The following DAB1 variants were observed in gnomAD, a reference collection of about 807,000 sequenced individuals.
DAB1 encodes the protein disabled homolog 1.
A neutral mutation model predicts 64.6 loss-of-function variants in DAB1; 15 were observed. That is an observed-to-expected ratio of 0.23 (90% CI 0.16 to 0.36). DAB1 has a LOEUF of 0.36. Ranked by LOEUF, DAB1 falls within the 10% of genes least tolerant of loss-of-function variation. The pLI is 1.00. For missense variants in DAB1, 596 were observed against 706.7 expected, an observed-to-expected ratio of 0.84 and a Z score of 1.78; for synonymous variants, 235 against 251.9, an observed-to-expected ratio of 0.93 and a Z score of 0.64.
chr1:58,343,294 TG>T (rs1643961159), intron 4 of DAB1: 1 of 150,976 alleles, frequency 6.6e-6, no homozygotes, highest in Non-Finnish European at 1.5e-5. Flanking sequence ...GATAGATGGA[TG>T]GAGAAAAGGA....
chr1:58,393,120 CTTT>C (rs34546253), intron 3 of DAB1, among the ~76,000 whole-genome samples: 12,331 of 116,908 alleles, frequency 0.11, 410 homozygotes, highest in African/African-American at 0.14. Context: ...ACTTCCAAAT[CTTT>C]TTTTTTTTTT....
chr1:57,052,464 T>G (rs1403659606), intron 9 of DAB1, among the ~76,000 whole-genome samples: 1 of 152,206 alleles, frequency 6.6e-6, no homozygotes, highest in Admixed American at 6.5e-5. Flanking sequence ...GTCTGATGCT[T>G]GTTCAGTGAG....
At chr1:57,057,697 T>C (rs1459034339) in intron 9 of DAB1, among the ~76,000 whole-genome samples, 2 of 150,354 alleles carry the variant, frequency 1.3e-5, no homozygotes, top group Non-Finnish European at 2.9e-5. Context: ...AAGCTCTGCC[T>C]CCCGGGTTCA....
intron 5 of DAB1, among the ~76,000 whole-genome samples, chr1:58,092,648 G>A (rs1462605835): frequency 1.3e-5 from 2 of 152,138 alleles, no homozygotes; most frequent in African/African-American, 2.4e-5. Context: ...GAGAGTGGCC[G>A]TAACTAAAAT....
At chr1:57,482,194 T>C (rs1644029909) in intron 7 of DAB1, among the ~76,000 whole-genome samples, 1 of 152,106 alleles carries the variant, frequency 6.6e-6, no homozygotes, top group African/African-American at 2.4e-5. Context: ...GAAATCTAAG[T>C]TCGCATGAAA....
At chr1:57,597,827 A>G (rs1362411628) in intron 7 of DAB1, among the ~76,000 whole-genome samples, 4 of 152,262 alleles carry the variant, frequency 2.6e-5, no homozygotes, top group Non-Finnish European at 5.9e-5. Context: ...TTGTTCATTC[A>G]GCAAACTAAT....
intron 6 of DAB1, among the ~76,000 whole-genome samples, chr1:57,804,227 T>C (rs1651259615): frequency 6.6e-6 from 1 of 152,236 alleles, no homozygotes; most frequent in Non-Finnish European, 1.5e-5. Flanking sequence ...GGGAGGTGGC[T>C]AAAGCTGGTA....
chr1:57,965,031 A>ATGAAGAATGGATGGAGCATTCATGTG lies in DAB1; in HGVS notation n.388-80870_388-80869insCACATGAATGCTCCATCCATTCTTCA, dbSNP rs1553148425. On this transcript the variant is annotated intron_variant and non_coding_transcript_variant, in intron 5 of 20. Transcript: ENST00000485760. ...TTATAAAGACTGAGAATTCCAATGT[A>ATGAAGAATGGATGGAGCATTCATGTG]TGAAGAATGGATGGAACATTCATGT... is the stretch of plus-strand genomic sequence containing the variant. Among the ~76,000 whole-genome samples the ATGAAGAATGGATGGAGCATTCATGTG allele has an allele frequency of 5.8e-4, 87 of 150,490 alleles. 1 individual carries two copies. Among genetic ancestry groups the ATGAAGAATGGATGGAGCATTCATGTG allele is most frequent in the Non-Finnish European group, 1.1e-3 (75 of 67,346 alleles).
chr1:58,253,807 C>A (rs1278400906), intron 4 of DAB1, among the ~76,000 whole-genome samples: 1 of 152,206 alleles, frequency 6.6e-6, no homozygotes, highest in Non-Finnish European at 1.5e-5. Flanking sequence ...CATACATTAC[C>A]TGGGTGATCA....
intron 1 of DAB1, among the ~76,000 whole-genome samples, chr1:57,862,011 C>T (rs1654063041): frequency 6.6e-6 from 1 of 151,942 alleles, no homozygotes; most frequent in African/African-American, 2.4e-5. Flanking sequence ...CTATGGGTGC[C>T]CATTTTATTT....
chr1:57,832,215 G>A (rs67718048), intron 1 of DAB1, among the ~76,000 whole-genome samples: 31,551 of 152,110 alleles, frequency 0.21, 3,562 homozygotes, highest in African/African-American at 0.29. Context: ...GATGTCTGAA[G>A]GACAAGTCAC....
At chr1:58,450,619 T>C (rs2100292298) in intron 3 of DAB1, among the ~76,000 whole-genome samples, 1 of 152,226 alleles carries the variant, frequency 6.6e-6, no homozygotes, top group African/African-American at 2.4e-5. Flanking sequence ...CCGGGCGTGG[T>C]GGCAGGCACC....
chr1:58,033,394 T>C (rs964663801), intron 5 of DAB1, among the ~76,000 whole-genome samples: 1 of 152,158 alleles, frequency 6.6e-6, no homozygotes, highest in African/African-American at 2.4e-5. Flanking sequence ...ACCATACAAC[T>C]TCACGGTTCC....
intron 3 of DAB1, among the ~76,000 whole-genome samples, chr1:58,440,215 T>C (rs1264948995): frequency 6.6e-6 from 1 of 152,256 alleles, no homozygotes; most frequent in Non-Finnish European, 1.5e-5. Context: ...CTTCACCCTC[T>C]GCCTGCCTCT....
intron 1 of DAB1, among the ~76,000 whole-genome samples, chr1:57,394,671 C>T (rs1024477350): frequency 1.1e-4 from 17 of 152,134 alleles, no homozygotes; most frequent in African/African-American, 3.4e-4. Flanking sequence ...TTAATAGGTG[C>T]CTATAAGAAC....
intron 6 of DAB1, among the ~76,000 whole-genome samples, chr1:57,793,598 G>T (rs561081512): frequency 6.6e-6 from 1 of 152,282 alleles, no homozygotes; most frequent in Admixed American, 6.5e-5. Flanking sequence ...TGCATGGCAA[G>T]TGTAGCATGC....
At chr1:58,476,376 A>C (rs775269959) in intron 3 of DAB1, among the ~76,000 whole-genome samples, 51 of 152,138 alleles carry the variant, frequency 3.4e-4, no homozygotes, top group Non-Finnish European at 6.0e-4. Flanking sequence ...GCAGTCTCCT[A>C]AACAGCTAGT....
chr1:58,497,034 G>A (rs960425198), intron 3 of DAB1, among the ~76,000 whole-genome samples: 8 of 152,180 alleles, frequency 5.3e-5, no homozygotes, highest in African/African-American at 1.9e-4. Context: ...CAGGTATTAA[G>A]AGACTTCCAA....
intron 4 of DAB1, among the ~76,000 whole-genome samples, chr1:58,221,947 G>A (rs979730426): frequency 6.6e-6 from 1 of 152,062 alleles, no homozygotes; most frequent in African/African-American, 2.4e-5. Flanking sequence ...TTTTAAAATT[G>A]CCCAACTGGC....
Sources: allele counts gnomAD v4.1 joint callset (sites outside exome capture counted in the v4.1 genomes callset), GRCh38; gene constraint gnomAD v4.1.1; transcripts MANE v1.5; gene names NCBI Gene and HGNC (gene_info 2026-07-23, HGNC 2026-07-21).